ADARB2: variants seen among roughly 807,000 people sequenced by gnomAD.
ADARB2 encodes the protein inactive double-stranded RNA-specific editase B2.
In ADARB2, 25 loss-of-function variants were observed where a neutral mutation model predicts 62.2. The observed-to-expected ratio is 0.40, with a 90% CI of 0.29 to 0.56. The LOEUF (loss-of-function observed/expected upper bound fraction) is 0.56. Among genes scored for constraint, ADARB2 ranks in the 20% least tolerant of loss-of-function variants. ADARB2 has a pLI of 0.43. For synonymous variants in ADARB2, 572 were observed against 500.8 expected, an observed-to-expected ratio of 1.14 and a Z score of -1.90; for missense variants, 1,071 against 1,077.4, an observed-to-expected ratio of 0.99 and a Z score of 0.08.
chr10:1,305,723 C>A (rs1269043667), intron 3 of ADARB2, among the ~76,000 whole-genome samples: 1 of 152,106 alleles, frequency 6.6e-6, no homozygotes, highest in Non-Finnish European at 1.5e-5. Flanking sequence ...TGGGCTTCAT[C>A]CCTGGGATGC....
In ADARB2 at chr10:1,183,185, C is replaced by T; in HGVS notation, c.*8G>A. The T allele has an allele frequency of 6.2e-7, 1 of 1,611,020 alleles. No homozygotes were observed. Among genetic ancestry groups the T allele is most frequent in the South Asian group, 1.1e-5 (1 of 90,990 alleles). On this transcript the variant is annotated 3_prime_UTR_variant, in exon 10 of 10. Transcript: ENST00000381312. ...CCCGCTCAGCTCCAGCAGCCAGGAGCCCGCAGCCTAGAGAGTCAGTAGAAA... is the reference window on the plus strand; with the variant it reads ...CCCGCTCAGCTCCAGCAGCCAGGAGTCCGCAGCCTAGAGAGTCAGTAGAAA...
intron 3 of ADARB2, among the ~76,000 whole-genome samples, chr10:1,344,202 A>G (rs989394732): frequency 6.6e-6 from 1 of 152,086 alleles, no homozygotes. Context: ...CTAAAATTCT[A>G]CCGGCATCCG....
At chr10:1,340,670 C>A (rs1200167796) in intron 3 of ADARB2, among the ~76,000 whole-genome samples, 1 of 76,776 alleles carries the variant, frequency 1.3e-5, no homozygotes, top group African/African-American at 5.7e-5. Flanking sequence ...ACCAGAGAAC[C>A]ACGTGCCCCA....
chr10:1,520,983 A>G (rs555384833), intron 1 of ADARB2, among the ~76,000 whole-genome samples: 1 of 152,318 alleles, frequency 6.6e-6, no homozygotes, highest in South Asian at 2.1e-4. Context: ...GAAACGTCAA[A>G]TGGGTTAGTC....
In ADARB2 at chr10:1,718,378, T is replaced by C. The variant is rs532355347; in HGVS notation, c.100+18673A>G. 7.9e-5 allele frequency among the ~76,000 whole-genome samples: 12 copies of C among 152,288 alleles called. No homozygotes were observed. In the South Asian group the frequency reaches 2.5e-3, roughly 32 times the overall value. ...AGGCTTCTGCTGGTAGGGAGGCTGC[T>C]TCCTCCCAGTGTTCTTGGGCACCTG... On this transcript the variant is annotated intron_variant, in intron 1 of 9. Coordinates refer to ENST00000381312, the MANE Select transcript of ADARB2 (RefSeq NM_018702.4).
intron 3 of ADARB2, among the ~76,000 whole-genome samples, chr10:1,277,238 G>C (rs960682379): frequency 2.6e-5 from 4 of 152,042 alleles, no homozygotes; most frequent in African/African-American, 9.7e-5. Flanking sequence ...CTAGCAGAAG[G>C]CAAGAAATAA....
chr10:1,203,786 C>T (rs551699984), intron 7 of ADARB2, among the ~76,000 whole-genome samples: 7 of 152,256 alleles, frequency 4.6e-5, no homozygotes, highest in East Asian at 3.9e-4. Flanking sequence ...CTCCCTTGAC[C>T]GTTCTCTTGC....
chr10:1,369,731 C>T (rs1352628644), intron 2 of ADARB2, among the ~76,000 whole-genome samples: 2 of 152,218 alleles, frequency 1.3e-5, no homozygotes, highest in South Asian at 2.1e-4. Context: ...GCCCTTTTTC[C>T]GAGAGGGTGG....
chr10:1,375,819 A>G lies in ADARB2; in HGVS notation c.187+3255T>C, dbSNP rs1457751244. ...ACGCACACACACACCACACACATGCACACACACACGTGCACACACCGCACA... is the reference window on the plus strand; with the variant it reads ...ACGCACACACACACCACACACATGCGCACACACACGTGCACACACCGCACA... On this transcript the variant is annotated intron_variant, in intron 2 of 9. Transcript: ENST00000381312. Among the ~76,000 whole-genome samples the G allele has an allele frequency of 9.4e-4, 12 of 12,778 alleles. No homozygotes were observed. The East Asian group carries it at 0.11, about 121-fold the overall frequency. 8.4% of individuals were successfully genotyped at this position (12,778 alleles called of 152,430 possible).
intron 1 of ADARB2, among the ~76,000 whole-genome samples, chr10:1,420,590 G>A (rs1057155248): frequency 7.1e-5 from 10 of 141,338 alleles, no homozygotes; most frequent in African/African-American, 2.6e-4. Flanking sequence ...ATGATGGCAG[G>A]TCCTCATCTT....
chr10:1,525,939 A>G (rs1165679278), intron 1 of ADARB2, among the ~76,000 whole-genome samples: 1 of 151,734 alleles, frequency 6.6e-6, no homozygotes, highest in African/African-American at 2.4e-5. Context: ...GTGTGTGAGC[A>G]CGTATGGGTG....
intron 2 of ADARB2, among the ~76,000 whole-genome samples, chr10:1,369,899 T>G (rs1832352737): frequency 6.6e-6 from 1 of 152,212 alleles, no homozygotes; most frequent in South Asian, 2.1e-4. Context: ...ATGGACTCGT[T>G]GTCTCTGGGG....
intron 1 of ADARB2, among the ~76,000 whole-genome samples, chr10:1,628,135 G>A (rs961326065): frequency 1.6e-4 from 24 of 152,252 alleles, no homozygotes. Context: ...GCAGGTGCCT[G>A]AGGGGCTGAG....
chr10:1,704,200 C>T lies in ADARB2; in HGVS notation c.100+32851G>A. Reference sequence around the variant, plus strand: ...CAATTTTTCCATGGACTGGGGGCTGCAGGGATGGTTTCAGGATGATTCAAG... The same window carrying T: ...CAATTTTTCCATGGACTGGGGGCTGTAGGGATGGTTTCAGGATGATTCAAG... On this transcript the variant is annotated intron_variant, in intron 1 of 9. Transcript: ENST00000381312. The surrounding 1 kb of genome is among the most constrained non-coding windows in gnomAD (Gnocchi z 5.6). 6.6e-6 allele frequency among the ~76,000 whole-genome samples: 1 copy of T among 152,162 alleles called. No individual in the cohort carries two copies. The highest frequency in any genetic ancestry group is 1.9e-4 in the East Asian group (1 of 5,196).
chr10:1,664,670 C>T (rs974967240), intron 1 of ADARB2, among the ~76,000 whole-genome samples: 2 of 152,182 alleles, frequency 1.3e-5, no homozygotes, highest in African/African-American at 4.8e-5. Context: ...TAGCCTCCCT[C>T]AATTTCTGAC....
intron 3 of ADARB2, among the ~76,000 whole-genome samples, chr10:1,345,615 G>A (rs1832074096): frequency 6.6e-6 from 1 of 152,190 alleles, no homozygotes; most frequent in Admixed American, 6.5e-5. Context: ...GAGCTGGCTG[G>A]ACAGAAGGGC....
At chr10:1,424,312 C>T (rs997861379) in intron 1 of ADARB2, among the ~76,000 whole-genome samples, 2 of 152,190 alleles carry the variant, frequency 1.3e-5, no homozygotes, top group African/African-American at 4.8e-5. Context: ...ACCTAACTAC[C>T]TCCTGGCCTA....
chr10:1,674,165 C>T (rs1341351369), intron 1 of ADARB2, among the ~76,000 whole-genome samples: 1 of 152,232 alleles, frequency 6.6e-6, no homozygotes. Flanking sequence ...AGAGTGCATT[C>T]CGTAATGTGT....
intron 4 of ADARB2, among the ~76,000 whole-genome samples, chr10:1,257,118 T>C (rs534772059): frequency 1.3e-5 from 2 of 152,372 alleles, no homozygotes; most frequent in South Asian, 4.1e-4. Context: ...TCAGGCCCTG[T>C]GAGCTCCACG....
Sources: allele counts gnomAD v4.1 joint callset (sites outside exome capture counted in the v4.1 genomes callset), GRCh38; gene constraint gnomAD v4.1.1; non-coding constraint Gnocchi (gnomAD v3.1); transcripts MANE v1.5; gene names NCBI Gene and HGNC (gene_info 2026-07-23, HGNC 2026-07-21).